The following SAMMSON variants were observed in gnomAD, a reference collection of about 807,000 sequenced individuals.
SAMMSON encodes the protein long intergenic non-protein coding RNA 1212.
chr3:70,378,979 T>TTTTTTTTATTTA (rs1173122692), intron 9 of SAMMSON, among the ~76,000 whole-genome samples: 4 of 141,494 alleles, frequency 2.8e-5, no homozygotes, highest in South Asian at 2.3e-4. Context: ...ATACTTACAC[T>TTTTTTTTATTTA]TTTATTTATT....
chr3:70,230,038 C>A (rs1355409481), intron 4 of SAMMSON, among the ~76,000 whole-genome samples: 1 of 152,038 alleles, frequency 6.6e-6, no homozygotes, highest in African/African-American at 2.4e-5. Flanking sequence ...AGTGCTATGT[C>A]TTAGATGCTG....
chr3:70,059,773 C>A (rs1337604987), intron 3 of SAMMSON, among the ~76,000 whole-genome samples: 2 of 151,946 alleles, frequency 1.3e-5, no homozygotes, highest in African/African-American at 4.8e-5. Context: ...TAAAATTAAC[C>A]CCCCCAGTTG....
At chr3:70,340,681 A>C (rs969634354) in intron 7 of SAMMSON, among the ~76,000 whole-genome samples, 1 of 152,122 alleles carries the variant, frequency 6.6e-6, no homozygotes, top group Non-Finnish European at 1.5e-5. Flanking sequence ...ACAACATTCC[A>C]TACCTGTTGT....
intron 4 of SAMMSON, among the ~76,000 whole-genome samples, chr3:70,114,655 A>G (rs6549269): frequency 0.52 from 78,415 of 152,002 alleles, 20,973 homozygotes; most frequent in East Asian, 0.75. Flanking sequence ...ATGAAAGGAT[A>G]GAAAAGTGGA....
At chr3:70,417,679 T>A (rs1701274173) in intron 2 of SAMMSON, among the ~76,000 whole-genome samples, 1 of 150,034 alleles carries the variant, frequency 6.7e-6, no homozygotes, top group Admixed American at 6.6e-5. Flanking sequence ...AGAAGCTTAT[T>A]TTTTTTTGTG....
intron 4 of SAMMSON, chr3:70,120,192 A>T (rs141935176): frequency 2.6e-5 from 4 of 152,308 alleles, no homozygotes; most frequent in African/African-American, 9.6e-5. Flanking sequence ...GAGGTAAGAG[A>T]TTCACTTTTA....
At chr3:70,394,108 C>G (rs1238248654), downstream of SAMMSON, among the ~76,000 whole-genome samples, 4 of 152,122 alleles carry the variant, frequency 2.6e-5, no homozygotes, top group Non-Finnish European at 5.9e-5. Context: ...TAACAGGACT[C>G]CCTGCCAGAT....
intron 6 of SAMMSON, among the ~76,000 whole-genome samples, chr3:70,262,382 G>A (rs111279278): frequency 0.032 from 4,807 of 152,090 alleles, 240 homozygotes; most frequent in African/African-American, 0.11. Context: ...AAAATATAAC[G>A]GACAATAACT....
intron 9 of SAMMSON, among the ~76,000 whole-genome samples, chr3:70,383,977 A>AT (rs1304048169): frequency 6.6e-6 from 1 of 151,788 alleles, no homozygotes; most frequent in Non-Finnish European, 1.5e-5. Context: ...GGCATTTTGA[A>AT]TTTTTTTTAC....
chr3:70,276,762 G>A (rs1702030864), intron 6 of SAMMSON, among the ~76,000 whole-genome samples: 1 of 152,168 alleles, frequency 6.6e-6, no homozygotes, highest in Non-Finnish European at 1.5e-5. Flanking sequence ...CACTATAATG[G>A]CAGAATTGAA....
rs1349864540 is a variant in SAMMSON at position 70,250,555 on chromosome 3, A to G, written n.674+885A>G. The stretch of plus-strand genomic sequence containing the variant: ...TCAACTAATACTTAAAAGAAAAACC[A>G]TTAAACTATTCGGGTGGAAAAATAG... On this transcript the variant is annotated intron_variant and non_coding_transcript_variant, in intron 6 of 9. Transcript: ENST00000642114. 4.6e-5 allele frequency among the ~76,000 whole-genome samples: 7 copies of G among 152,170 alleles called. No individual in the cohort carries two copies. The South Asian group carries it at 6.2e-4, about 14-fold the overall frequency.
intron 4 of SAMMSON, among the ~76,000 whole-genome samples, chr3:70,194,202 T>C (rs895634537): frequency 6.6e-6 from 1 of 152,250 alleles, no homozygotes; most frequent in Non-Finnish European, 1.5e-5. Flanking sequence ...CCTCATTCTA[T>C]ATAAAGATTG....
At chr3:70,067,221 G>T (rs1472157524) in intron 3 of SAMMSON, among the ~76,000 whole-genome samples, 1 of 151,904 alleles carries the variant, frequency 6.6e-6, no homozygotes, top group Middle Eastern at 3.2e-3. Context: ...TTTAAAAGAA[G>T]AAAAAGATAG....
At chr3:70,028,045 G>A (rs573693601) in intron 3 of SAMMSON, among the ~76,000 whole-genome samples, 4 of 151,738 alleles carry the variant, frequency 2.6e-5, no homozygotes, top group Non-Finnish European at 4.4e-5. Flanking sequence ...ACTTTACCTC[G>A]TTGAGTCCTT....
chr3:70,038,035 G>A (rs1019433918), intron 3 of SAMMSON, among the ~76,000 whole-genome samples: 2 of 152,106 alleles, frequency 1.3e-5, no homozygotes, highest in African/African-American at 2.4e-5. Flanking sequence ...GTGGCATTTG[G>A]CATGTGGTGA....
intron 9 of SAMMSON, among the ~76,000 whole-genome samples, chr3:70,372,625 G>A (rs951608341): frequency 9.9e-5 from 15 of 152,054 alleles, no homozygotes; most frequent in Non-Finnish European, 2.1e-4. Context: ...AGTTTTGACA[G>A]CTCTTTACAT....
chr3:70,095,639 G>A (rs191441463), intron 4 of SAMMSON, among the ~76,000 whole-genome samples: 1 of 152,268 alleles, frequency 6.6e-6, no homozygotes, highest in East Asian at 1.9e-4. Context: ...CTCAATTTCT[G>A]TTGGCCTCAG....
chr3:70,405,081 G>A (rs1701168187), intron 2 of SAMMSON, among the ~76,000 whole-genome samples: 1 of 152,156 alleles, frequency 6.6e-6, no homozygotes, highest in Admixed American at 6.5e-5. Context: ...AATTCCCAGA[G>A]CTCTCATAGG....
At chr3:70,287,026 T>G (rs1233120780) in intron 6 of SAMMSON, among the ~76,000 whole-genome samples, 1 of 148,548 alleles carries the variant, frequency 6.7e-6, no homozygotes, top group Non-Finnish European at 1.5e-5. Context: ...GACTTCCTCT[T>G]TTCCTAATTG....
Sources: allele counts gnomAD v4.1 joint callset (sites outside exome capture counted in the v4.1 genomes callset), GRCh38; gene constraint gnomAD v4.1.1; transcripts MANE v1.5; gene names NCBI Gene and HGNC (gene_info 2026-07-23, HGNC 2026-07-21).